Variants in PELO observed in about 807,000 individuals in gnomAD.
The protein encoded by PELO is protein pelota homolog.
In PELO, 19 loss-of-function variants were observed where a neutral mutation model predicts 25.9. The ratio of observed to expected loss-of-function variants is 0.73; its 90% confidence interval spans 0.51 to 1.08. PELO has a LOEUF of 1.08. Ranked by LOEUF, PELO falls within the 50% of genes least tolerant of loss-of-function variation. The pLI, the probability that PELO is intolerant of heterozygous loss-of-function variation, is 0.00. For synonymous variants in PELO, 196 were observed against 192.2 expected (o/e 1.02, Z -0.16); for missense variants, 498 against 491.4 (o/e 1.01, Z -0.13).
In PELO at chr5:52,801,975, A is replaced by G. The variant is rs1748498248; in HGVS notation, c.*135A>G. 1 of 623,894 alleles carries G rather than the reference A, an allele frequency of 1.6e-6. No homozygotes were observed. Among genetic ancestry groups the G allele is most frequent in the African/African-American group, 1.8e-5 (1 of 54,632 alleles). 38.6% of individuals were successfully genotyped at this position (623,894 alleles called of 1,614,324 possible). A position where few individuals can be genotyped will look rare whatever the true frequency, so the allele number is the denominator to read the frequency against. On this transcript the variant is annotated 3_prime_UTR_variant, in exon 3 of 3. Transcript: ENST00000274311. ...AGGGATTTCTTATGTCTTTGGCTAC[A>G]CTAGATATTTTGTGATTGGCAAGAC... is the stretch of plus-strand genomic sequence containing the variant.
intron 1 of PELO, among the ~76,000 whole-genome samples, chr5:52,793,054 C>T (rs1443776735): frequency 6.6e-6 from 1 of 152,106 alleles, no homozygotes; most frequent in Non-Finnish European, 1.5e-5. Flanking sequence ...TGCTACTGAT[C>T]TCAATCCCTG....
At position 52,788,207 on chromosome 5, in the gene PELO, C is replaced by A; in HGVS notation, c.-718C>A. ...GACGAAAACACAGGAAATCACTCCTCTCCCGCTCCTGGGCGCCGCTGCCAC... is the reference window on the plus strand; with the variant it reads ...GACGAAAACACAGGAAATCACTCCTATCCCGCTCCTGGGCGCCGCTGCCAC... On this transcript the variant is annotated 5_prime_UTR_variant, in exon 1 of 3. Transcript: ENST00000274311. The A allele has an allele frequency of 1.9e-6, 1 of 526,312 alleles. No individual in the cohort carries two copies. Among genetic ancestry groups the A allele is most frequent in the South Asian group, 2.7e-5 (1 of 36,598 alleles). The allele number at this position is 526,312 out of a possible 1,614,324, so 32.6% of individuals were successfully genotyped here. A position where few individuals can be genotyped will look rare whatever the true frequency, so the allele number is the denominator to read the frequency against.
intron 1 of PELO, among the ~76,000 whole-genome samples, chr5:52,791,868 T>C (rs16880269): frequency 0.079 from 11,998 of 152,204 alleles, 1,580 homozygotes; most frequent in African/African-American, 0.27. Flanking sequence ...TTGTCCAAAG[T>C]TGAAGAACTA....
Position 52,788,382 on chromosome 5 carries a change from G to T in PELO, c.-543G>T, listed in dbSNP as rs1256115915. 6 of 1,513,302 alleles carry T rather than the reference G, an allele frequency of 4.0e-6. No individual in the cohort carries two copies. The highest frequency in any genetic ancestry group is 5.3e-6 in the Non-Finnish European group (6 of 1,134,422). 93.7% of individuals were successfully genotyped at this position (1,513,302 alleles called of 1,614,324 possible). A position where few individuals can be genotyped will look rare whatever the true frequency, so the allele number is the denominator to read the frequency against. Reference sequence around the variant, plus strand: ...GCCCCTCGGCCCCGCGCCCGCCCAGGGGTCGCTGTCGCCTGCTGCTGGCTC... The same window carrying T: ...GCCCCTCGGCCCCGCGCCCGCCCAGTGGTCGCTGTCGCCTGCTGCTGGCTC... On this transcript the variant is annotated 5_prime_UTR_variant, in exon 1 of 3. Coordinates refer to ENST00000274311, the MANE Select transcript of PELO (RefSeq NM_015946.5).
chr5:52,790,782 G>A (rs556713830), intron 1 of PELO, among the ~76,000 whole-genome samples: 3 of 152,222 alleles, frequency 2.0e-5, no homozygotes, highest in African/African-American at 7.2e-5. Flanking sequence ...CATATTCACA[G>A]GTTCCAGGCA....
intron 1 of PELO, among the ~76,000 whole-genome samples, chr5:52,794,701 C>G (rs1339956183): frequency 1.3e-5 from 2 of 151,602 alleles, no homozygotes; most frequent in Non-Finnish European, 3.0e-5. Flanking sequence ...TCCCTTTTAC[C>G]CTTTTGTCTA....
In PELO at chr5:52,788,079, G is replaced by A; in HGVS notation, c.-846G>A. ...TTTGTCCATGTCTCGGACAGAGCCT[G>A]GGAAGCTGCCAGTGAGATTTCAGAG... is the stretch of plus-strand genomic sequence containing the variant. On this transcript the variant is annotated 5_prime_UTR_variant, in exon 1 of 3. Coordinates refer to ENST00000274311, the MANE Select transcript of PELO (RefSeq NM_015946.5). 2 of 402,128 alleles carry A rather than the reference G, an allele frequency of 5.0e-6. No individual in the cohort carries two copies. The highest frequency in any genetic ancestry group is 7.8e-5 in the East Asian group (2 of 25,578). 24.9% of individuals were successfully genotyped at this position (402,128 alleles called of 1,614,324 possible).
rs1039214479 is a variant in PELO at position 52,788,289 on chromosome 5, A to G, written c.-636A>G. On this transcript the variant is annotated 5_prime_UTR_variant, in exon 1 of 3. Transcript: ENST00000274311. ...GATAAGTGGCCCAGCCAGAGAGCGC[A>G]GCTCCCGCGCCCGGTCCTGCCCTGC... 9.5e-5 allele frequency: 123 copies of G among 1,289,120 alleles called. No homozygotes were observed. The highest frequency in any genetic ancestry group is 1.2e-4 in the Non-Finnish European group (117 of 983,408). 79.9% of individuals were successfully genotyped at this position (1,289,120 alleles called of 1,614,324 possible). A position where few individuals can be genotyped will look rare whatever the true frequency, so the allele number is the denominator to read the frequency against.
At chr5:52,797,496 T>C (rs1169565235) in intron 1 of PELO, among the ~76,000 whole-genome samples, 1 of 151,758 alleles carries the variant, frequency 6.6e-6, no homozygotes, top group East Asian at 1.9e-4. Flanking sequence ...GAGAAAAGTA[T>C]AATAATTTTA....
Position 52,788,487 on chromosome 5 carries a change from A to C in PELO, c.-511+73A>C, listed in dbSNP as rs942313559. ...GCTTGGAGCGGGGAGGGAGGTCCTC[A>C]GAGCCATGGGCCAGATAGGAAGAGA... On this transcript the variant is annotated intron_variant, in intron 1 of 2. Transcript: ENST00000274311. 7.5e-5 allele frequency: 95 copies of C among 1,260,636 alleles called. 1 individual carries two copies. The highest frequency in any genetic ancestry group is 4.3e-4 in the East Asian group (14 of 32,232). 78.1% of individuals were successfully genotyped at this position (1,260,636 alleles called of 1,614,324 possible).
rs1420357198 is a variant in PELO, at chr5:52,800,782, G to A, written c.388G>A (p.Asp130Asn). 9.3e-6 allele frequency: 15 copies of A among 1,614,026 alleles called. No individual in the cohort carries two copies. Among genetic ancestry groups the A allele is most frequent in the Non-Finnish European group, 1.2e-5 (14 of 1,179,936 alleles). Reference sequence around the variant, plus strand: ...ACTGGAGCGCATCGAGCAGGCCTGTGACCCAGCCTGGAGCGCTGATGTGGC... The same window carrying A: ...ACTGGAGCGCATCGAGCAGGCCTGTAACCCAGCCTGGAGCGCTGATGTGGC... ...VVLERIEQAC[D>N]PAWSADVAAV... Residue 130 changes from aspartate (D) to asparagine (N), a missense_variant, in exon 2 of 3, where the codon GAC becomes AAC. Coordinates refer to ENST00000274311, the MANE Select transcript of PELO (RefSeq NM_015946.5).
chr5:52,803,456 G>T lies in PELO; in HGVS notation c.*1616G>T, dbSNP rs546521340. 5.9e-5 allele frequency: 9 copies of T among 152,046 alleles called. No individual in the cohort carries two copies. Among genetic ancestry groups the T allele is most frequent in the Non-Finnish European group, 8.8e-5 (6 of 67,960 alleles). The allele number at this position is 152,046 out of a possible 1,614,324, so 9.4% of individuals were successfully genotyped here. A position where few individuals can be genotyped will look rare whatever the true frequency, so the allele number is the denominator to read the frequency against. ...TTCAGTAAGGATTTGGAGATTTTTG[G>T]ACATTTTTACTCTCATAATCTATGC... On this transcript the variant is annotated 3_prime_UTR_variant, in exon 3 of 3. Transcript: ENST00000274311.
chr5:52,801,827 C>A lies in PELO; in HGVS notation c.1145C>A (p.Ser382Tyr). 1 of 1,603,456 alleles carries A rather than the reference C, an allele frequency of 6.2e-7. No homozygotes were observed. Among genetic ancestry groups the A allele is most frequent in the South Asian group, 1.1e-5 (1 of 89,868 alleles). Residue 382 changes from serine to tyrosine, a missense_variant, in exon 3 of 3, where the codon TCT becomes TAT. Coordinates refer to ENST00000274311, the MANE Select transcript of PELO (RefSeq NM_015946.5). ...ELSDQEGDSSSEED is the reference protein window; with the variant it reads ...ELSDQEGDSSYEED ...TCTGACCAAGAGGGTGATTCCAGTT[C>A]TGAAGAGGATTAATGATTGAAACTT...
intron 2 of PELO, 63 bp downstream of exon 2, chr5:52,801,183 A>AAAGTTTTAGAACTGGG: frequency 6.9e-7 from 1 of 1,448,062 alleles, no homozygotes; most frequent in African/African-American, 1.4e-5. Flanking sequence ...AACTACTCCT[A>AAAGTTTTAGAACTGGG]AAGTTTTAGA....
Position 52,788,196 on chromosome 5 carries a change from A to C in PELO, c.-729A>C. 1 of 500,812 alleles carries C rather than the reference A, an allele frequency of 2.0e-6. No homozygotes were observed. The allele number at this position is 500,812 out of a possible 1,614,324, so 31.0% of individuals were successfully genotyped here. A position where few individuals can be genotyped will look rare whatever the true frequency, so the allele number is the denominator to read the frequency against. The stretch of plus-strand genomic sequence containing the variant: ...TAGAGGAATTCGACGAAAACACAGG[A>C]AATCACTCCTCTCCCGCTCCTGGGC... On this transcript the variant is annotated 5_prime_UTR_variant, in exon 1 of 3. Coordinates refer to ENST00000274311, the MANE Select transcript of PELO (RefSeq NM_015946.5).
At position 52,788,709 on chromosome 5, in the gene PELO, C is replaced by T. The variant is rs137869464; in HGVS notation, c.-511+295C>T. Among the ~76,000 whole-genome samples the T allele has an allele frequency of 1.4e-3, 218 of 152,292 alleles. 1 individual carries two copies. The highest frequency in any genetic ancestry group is 4.2e-3 in the African/African-American group (174 of 41,566). ...TAAAATTAAAGTTGTTTTTACAATA[C>T]ACATTGTATATTAGGACTTTGCTGA... is the stretch of plus-strand genomic sequence containing the variant. On this transcript the variant is annotated intron_variant, in intron 1 of 2. Transcript: ENST00000274311.
chr5:52,798,312 G>C (rs1377114294), intron 1 of PELO, among the ~76,000 whole-genome samples: 1 of 152,078 alleles, frequency 6.6e-6, no homozygotes, highest in Admixed American at 6.5e-5. Context: ...GAGAAACAAA[G>C]AGAAAAGAGG....
At position 52,800,912 on chromosome 5, in the gene PELO, G is replaced by C; in HGVS notation, c.518G>C (p.Gly173Ala). ...VEVNIPRKRK[G>A]NCSQHDRALE... Reference sequence around the variant, plus strand: ...GTGAACATCCCTAGGAAAAGGAAAGGCAATTGCTCTCAGCATGACCGGGCC... The same window carrying C: ...GTGAACATCCCTAGGAAAAGGAAAGCCAATTGCTCTCAGCATGACCGGGCC... The change falls in exon 2 of 3, where the codon GGC (glycine) becomes GCC (alanine). Residue 173 changes from glycine to alanine, a missense_variant. Physicochemically the swap from Gly to Ala is moderately conservative, Grantham distance 60. Transcript: ENST00000274311. 1.2e-6 allele frequency: 2 copies of C among 1,613,984 alleles called. No homozygotes were observed. The highest frequency in any genetic ancestry group is 1.7e-6 in the Non-Finnish European group (2 of 1,179,928).
At position 52,800,607 on chromosome 5, in the gene PELO, C is replaced by T. The variant is rs767556330; in HGVS notation, c.213C>T (p.Ala71=). The T allele has an allele frequency of 4.3e-6, 7 of 1,613,598 alleles. No individual in the cohort carries two copies. The African/African-American group carries it at 6.7e-5, about 15-fold the overall frequency. ...CTACCCTCACTCTCTGCGTGGAGGC[C>T]ATCGACTTCGACTCTCAAGCCTGCC... is the stretch of plus-strand genomic sequence containing the variant. ...VRTTLTLCVE[A]IDFDSQACQL... The change falls in exon 2 of 3, where the codon GCC becomes GCT. Residue 71 remains alanine, a synonymous_variant. Coordinates refer to ENST00000274311, the MANE Select transcript of PELO (RefSeq NM_015946.5).
Sources: gnomAD v4.1 joint callset for allele counts (sites outside exome capture counted in the v4.1 genomes callset) on GRCh38, gnomAD v4.1.1 for gene constraint, MANE v1.5 for transcripts, NCBI Gene and HGNC (gene_info 2026-07-23, HGNC 2026-07-21) for gene names.